The following AGO3 variants were observed in gnomAD, a reference collection of about 807,000 sequenced individuals.
AGO3 encodes the protein protein argonaute-3.
In AGO3, 16 loss-of-function variants were observed where a neutral mutation model predicts 105.5. The ratio of observed to expected loss-of-function variants is 0.15; its 90% CI spans 0.10 to 0.23. The LOEUF is 0.23. AGO3 is among the 10% of genes least tolerant of loss of function. AGO3 has a pLI of 1.00. For missense variants in AGO3, 534 were observed against 1,088.0 expected (o/e 0.49, Z 7.16); for synonymous variants, 340 against 367.3 (o/e 0.93, Z 0.85).
At chr1:35,997,757 C>T (rs1009508575) in intron 5 of AGO3, among the ~76,000 whole-genome samples, 16 of 152,246 alleles carry the variant, frequency 1.1e-4, no homozygotes, top group Non-Finnish European at 2.2e-4. Context: ...AGTGCAGTGG[C>T]GTGATCTCGG....
At chr1:35,945,990 T>A (rs1365365466) in intron 2 of AGO3, 127 bp downstream of exon 2, 17 of 995,042 alleles carry the variant, frequency 1.7e-5, no homozygotes, top group Non-Finnish European at 2.3e-5. Context: ...TGGTAATTTG[T>A]TTTAAAACTG....
chr1:36,031,563 G>A (rs1337172328), intron 12 of AGO3, among the ~76,000 whole-genome samples: 1 of 150,740 alleles, frequency 6.6e-6, no homozygotes, highest in Non-Finnish European at 1.5e-5. Context: ...AAGTCATTCT[G>A]GAATTCTTAC....
intron 1 of AGO3, among the ~76,000 whole-genome samples, chr1:35,938,791 TAA>T (rs1476249557): frequency 1.3e-5 from 2 of 152,220 alleles, no homozygotes; most frequent in African/African-American, 4.8e-5. Flanking sequence ...TGAAAATCTA[TAA>T]GTTAGTAATT....
At chr1:35,940,703 A>G (rs968164706) in intron 1 of AGO3, among the ~76,000 whole-genome samples, 1 of 152,154 alleles carries the variant, frequency 6.6e-6, no homozygotes, top group Non-Finnish European at 1.5e-5. Context: ...AGACTTAGCT[A>G]AACCCAATAG....
chr1:36,060,381 G>C lies in AGO3; in HGVS notation c.*4636G>C, dbSNP rs1643013787. The C allele has an allele frequency of 6.6e-6, 1 of 152,198 alleles. No individual in the cohort carries two copies. The highest frequency in any genetic ancestry group is 6.5e-5 in the Admixed American group (1 of 15,284). The allele number at this position is 152,198 out of a possible 1,614,324, so 9.4% of individuals were successfully genotyped here. On this transcript the variant is annotated 3_prime_UTR_variant, in exon 19 of 19. Coordinates refer to ENST00000373191, the MANE Select transcript of AGO3 (RefSeq NM_024852.4). ...ATCTCTGTGTTCAAGGAAAGGGTGAGCGCTAAGCATGCCAGTGATGGATCC... is the reference window on the plus strand; with the variant it reads ...ATCTCTGTGTTCAAGGAAAGGGTGACCGCTAAGCATGCCAGTGATGGATCC...
At chr1:35,953,158 G>A (rs572652487) in intron 2 of AGO3, among the ~76,000 whole-genome samples, 10 of 152,088 alleles carry the variant, frequency 6.6e-5, no homozygotes, top group African/African-American at 2.2e-4. Flanking sequence ...GCCAGACATG[G>A]TGGCTCATGC....
intron 12 of AGO3, among the ~76,000 whole-genome samples, chr1:36,028,254 A>AT (rs1641597870): frequency 6.6e-6 from 1 of 151,184 alleles, no homozygotes; most frequent in African/African-American, 2.4e-5. Flanking sequence ...TTATTTATTT[A>AT]TTTTTATTAT....
At chr1:36,023,625 C>T (rs116305778) in intron 11 of AGO3, among the ~76,000 whole-genome samples, 530 of 152,308 alleles carry the variant, frequency 3.5e-3, no homozygotes, top group Non-Finnish European at 5.6e-3. Context: ...ATTTTATTGG[C>T]TGAAACTCAG....
intron 13 of AGO3, 80 bp from the exon 14 acceptor site, chr1:36,036,097 G>A (rs1163245487): frequency 3.8e-6 from 5 of 1,307,104 alleles, no homozygotes; most frequent in African/African-American, 2.9e-5. Context: ...ATAACTTGAA[G>A]TTACGTTGCA....
Position 35,950,514 on chromosome 1 carries a change from C to CT in AGO3, c.191+4658dup, listed in dbSNP as rs1279316524. ...TATTCTTTAGATTTTCTGTCCATTG[C>CT]TTTTTTTGTCCTTTCCTCACCCCGT... On this transcript the variant is annotated intron_variant, in intron 2 of 18. Transcript: ENST00000373191. 2.0e-5 allele frequency among the ~76,000 whole-genome samples: 3 copies of CT among 152,096 alleles called. No individual in the cohort carries two copies. The East Asian group carries it at 5.8e-4, about 29-fold the overall frequency.
chr1:36,029,788 G>A lies in AGO3; in HGVS notation c.1591+2490G>A, dbSNP rs374225280. 9.9e-5 allele frequency among the ~76,000 whole-genome samples: 15 copies of A among 151,398 alleles called. No individual in the cohort carries two copies. In the East Asian group the frequency reaches 2.5e-3, roughly 26 times the overall value. ...GCTCACTGCAACCTCCACCTCCCAG[G>A]TTCAAGCTGTTCTTCTGCCTCAGCC... is the stretch of plus-strand genomic sequence containing the variant. On this transcript the variant is annotated intron_variant, in intron 12 of 18. Coordinates refer to ENST00000373191, the MANE Select transcript of AGO3 (RefSeq NM_024852.4).
intron 11 of AGO3, among the ~76,000 whole-genome samples, chr1:36,021,697 A>G (rs1473393709): frequency 1.3e-5 from 2 of 152,216 alleles, no homozygotes; most frequent in African/African-American, 4.8e-5. Flanking sequence ...CAAAGATTGA[A>G]AACACTTGGC....
chr1:35,971,247 C>T (rs1339082833), intron 3 of AGO3, among the ~76,000 whole-genome samples: 1 of 150,344 alleles, frequency 6.7e-6, no homozygotes, highest in Non-Finnish European at 1.5e-5. Context: ...GCACCCTCTG[C>T]CTCCTGAGTT....
intron 5 of AGO3, among the ~76,000 whole-genome samples, chr1:35,977,274 G>T (rs1646971082): frequency 1.4e-5 from 2 of 146,636 alleles, no homozygotes; most frequent in Non-Finnish European, 3.0e-5. Context: ...AAAAAAAAAA[G>T]TCTGTTCAGG....
In AGO3 at chr1:35,941,028, A is replaced by T. The variant is rs138994225; in HGVS notation, c.20-4664A>T. ...GACCTCTCCTCTGAACTCCACACTC[A>T]TCTAACTGCTTACTATTCATCTACT... On this transcript the variant is annotated intron_variant, in intron 1 of 18. Transcript: ENST00000373191. 2.8e-3 allele frequency among the ~76,000 whole-genome samples: 428 copies of T among 152,224 alleles called. 3 individuals carry two copies. The highest frequency in any genetic ancestry group is 4.9e-3 in the Admixed American group (75 of 15,294).
chr1:36,046,463 G>C (rs1402965635), intron 17 of AGO3, among the ~76,000 whole-genome samples: 1 of 151,220 alleles, frequency 6.6e-6, no homozygotes, highest in Admixed American at 6.6e-5. Flanking sequence ...AGGCCGAGGC[G>C]GGCATATCAC....
In AGO3 at chr1:36,070,247, T is replaced by C. The variant is rs1281542624; in HGVS notation, c.*14502T>C. The C allele has an allele frequency of 6.6e-6, 1 of 152,220 alleles. No homozygotes were observed. Among genetic ancestry groups the C allele is most frequent in the Non-Finnish European group, 1.5e-5 (1 of 68,044 alleles). The allele number at this position is 152,220 out of a possible 1,614,324, so 9.4% of individuals were successfully genotyped here. A position where few individuals can be genotyped will look rare whatever the true frequency, so the allele number is the denominator to read the frequency against. On this transcript the variant is annotated 3_prime_UTR_variant, in exon 19 of 19. Coordinates refer to ENST00000373191, the MANE Select transcript of AGO3 (RefSeq NM_024852.4). ...TTAGATTTTAAGAAAGAAAGTGTGC[T>C]TATTTCACTCATGTCTTTGCAGAAT...
intron 11 of AGO3, among the ~76,000 whole-genome samples, chr1:36,015,816 T>C (rs1383170912): frequency 6.6e-6 from 1 of 152,234 alleles, no homozygotes; most frequent in Non-Finnish European, 1.5e-5. Context: ...CTCATTATTC[T>C]TCAATGTTCA....
chr1:36,043,582 C>A, intron 17 of AGO3, 34 bp downstream of exon 17: 1 of 1,472,944 alleles, frequency 6.8e-7, no homozygotes, highest in Non-Finnish European at 9.4e-7. Context: ...TATTTTAATT[C>A]AAGAACTGTC....
Sources: allele counts gnomAD v4.1 joint callset (sites outside exome capture counted in the v4.1 genomes callset), GRCh38; gene constraint gnomAD v4.1.1; transcripts MANE v1.5; gene names NCBI Gene and HGNC (gene_info 2026-07-23, HGNC 2026-07-21).